Variants in TPSG1 observed in about 807,000 individuals in gnomAD.
TPSG1 encodes tryptase gamma 1.
Under a neutral mutation model 23.8 loss-of-function variants are expected in TPSG1, and 43 were observed. That is an observed-to-expected ratio of 1.81 (90% CI 1.42 to 2.33). The LOEUF (loss-of-function observed/expected upper bound fraction) is 2.33, where lower values mean the gene tolerates loss of function less well. TPSG1 is among the 30% of genes most tolerant of loss of function. The pLI, the probability that TPSG1 is intolerant of heterozygous loss-of-function variation, is 0.00. For missense variants in TPSG1, 623 were observed against 438.6 expected (o/e 1.42, Z -3.75); for synonymous variants, 302 against 201.3 (o/e 1.50, Z -4.23).
chr16:1,222,520 G>C (rs1165397958), intron 4 of TPSG1, 132 bp downstream of exon 4: 13 of 1,347,708 alleles, frequency 9.6e-6, no homozygotes, highest in Non-Finnish European at 1.2e-5. Context: ...AAAAGGGACA[G>C]CCGATAGGGG....
Position 1,222,810 on chromosome 16 carries a change from C to T in TPSG1, c.353G>A (p.Gly118Glu), listed in dbSNP as rs1196975803. ...GATGTCCCCGCTGGTCCCCGGCTGT[C>T]CTGAGGGGCTGGAGTGCAGGATGAT... ...RQIILHSSPS[G>E]QPGTSGDIAL... is the part of the protein sequence containing the mutation. The change falls in exon 4 of 6, where the codon GGA becomes GAA. Residue 118 changes from glycine (G) to glutamate (E), a missense_variant. Gly to Glu is a moderately conservative substitution (Grantham distance 98). Coordinates refer to ENST00000234798, the MANE Select transcript of TPSG1 (RefSeq NM_012467.4). 3 of 1,612,174 alleles carry T rather than the reference C, an allele frequency of 1.9e-6. No homozygotes were observed. The highest frequency in any genetic ancestry group is 2.5e-6 in the Non-Finnish European group (3 of 1,179,788).
At position 1,224,006 on chromosome 16, in the gene TPSG1, C is replaced by T. The variant is rs868384531; in HGVS notation, c.74-412G>A. 4.0e-5 allele frequency: 9 copies of T among 222,626 alleles called. No homozygotes were observed. In the South Asian group the frequency reaches 4.8e-4, roughly 12 times the overall value. 13.8% of individuals were successfully genotyped at this position (222,626 alleles called of 1,614,324 possible). Reference sequence around the variant, plus strand: ...TCGAAGCTGGATAAAATTCGGGGGGCGGGGGGCAGACAGCACTGTCCAAGG... The same window carrying T: ...TCGAAGCTGGATAAAATTCGGGGGGTGGGGGGCAGACAGCACTGTCCAAGG... On this transcript the variant is annotated intron_variant, in intron 2 of 5. Transcript: ENST00000234798.
rs150106114 is a variant in TPSG1 at position 1,224,617 on chromosome 16, T to C, written c.58A>G (p.Arg20Gly). The change falls in exon 2 of 6, where the codon AGG becomes GGG. Residue 20 changes from arginine (R) to glycine (G), a missense_variant. Transcript: ENST00000234798. ...LLLAVPGVSL[R>G]TLQPGCGRPQ... ...AGAGACGTACCTGGCTGCAAAGTCC[T>C]GAGGGACACACCTGTGGGAAAGACG... is the stretch of plus-strand genomic sequence containing the variant. 5 of 1,613,650 alleles carry C rather than the reference T, an allele frequency of 3.1e-6. No individual in the cohort carries two copies. In the African/African-American group the frequency reaches 5.3e-5, roughly 17 times the overall value.
rs756561702 is a variant in TPSG1 at position 1,222,027 on chromosome 16, C to T, written c.727G>A (p.Gly243Ser). ...AWVQAGTVSW[G>S]EGCGRPNRPG... ...CTGTTGGGGCGGCCGCAGCCCTCAC[C>T]CCAGCTCACAGTGCCAGCCTGCACC... The change falls in exon 6 of 6, where the codon GGT becomes AGT. Residue 243 changes from glycine to serine, a missense_variant. By Grantham distance (56) the Gly-to-Ser change is moderately conservative. Transcript: ENST00000234798. The T allele has an allele frequency of 1.1e-5, 18 of 1,612,616 alleles. No individual in the cohort carries two copies. The highest frequency in any genetic ancestry group is 1.4e-5 in the Non-Finnish European group (16 of 1,179,980).
intron 1 of TPSG1, 85 bp from the exon 2 acceptor site, chr16:1,224,713 G>T: frequency 6.4e-7 from 1 of 1,573,276 alleles, no homozygotes; most frequent in Non-Finnish European, 8.7e-7. Flanking sequence ...CCAGGCCTCA[G>T]GGCGGCACTG....
chr16:1,224,734 T>A, intron 1 of TPSG1, 106 bp from the exon 2 acceptor site: 1 of 1,453,266 alleles, frequency 6.9e-7, no homozygotes, highest in Non-Finnish European at 9.6e-7. Flanking sequence ...GGGTGGGGCC[T>A]GGTCCTGAGC....
At position 1,222,322 on chromosome 16, in the gene TPSG1, GTAC is replaced by G. The variant is rs749478702; in HGVS notation, c.528_530del (p.Tyr177del). On this transcript the variant is annotated inframe_deletion, in exon 5 of 6. Transcript: ENST00000234798. The stretch of plus-strand genomic sequence containing the variant: ...CGGAGACTTTCACCTCCCGCAGGCT[GTAC>G]GGGGGTGGCAGAGGCTCTGGGGTGG... 6.2e-7 allele frequency: 1 copy of G among 1,602,310 alleles called. No individual in the cohort carries two copies. Among genetic ancestry groups the G allele is most frequent in the Non-Finnish European group, 8.5e-7 (1 of 1,173,444 alleles).
intron 3 of TPSG1, among the ~76,000 whole-genome samples, 164 bp downstream of exon 3, chr16:1,223,259 C>G (rs1038122543): frequency 3.6e-4 from 55 of 152,242 alleles, no homozygotes; most frequent in Admixed American, 3.5e-3. Context: ...GCTGCAGAAC[C>G]TCACAGAAGG....
At chr16:1,224,853 T>G (rs138118686) in intron 1 of TPSG1, 8,423 of 620,478 alleles carry the variant, frequency 0.014, 59 homozygotes, top group Non-Finnish European at 0.016. Context: ...GAGCTTGGCC[T>G]CAGGCCTGGG....
chr16:1,224,690 C>G, intron 1 of TPSG1, 62 bp from the exon 2 acceptor site: 3 of 1,609,010 alleles, frequency 1.9e-6, no homozygotes, highest in South Asian at 2.2e-5. Flanking sequence ...TGTGCGGGCT[C>G]CAGAGGCCCC....
At position 1,222,684 on chromosome 16, in the gene TPSG1, C is replaced by A. The variant is rs4984638; in HGVS notation, c.479G>T (p.Trp160Leu). The part of the protein sequence containing the change: ...SDDFCPGIRC[W>L]VTGWGYTREG... ...CCGCGTATAGCCCCAGCCGGTCACCCAGCACCGGATCCCAGGGCAGAAGTC... is the reference window on the plus strand; with the variant it reads ...CCGCGTATAGCCCCAGCCGGTCACCAAGCACCGGATCCCAGGGCAGAAGTC... The change falls in exon 4 of 6, where the codon TGG becomes TTG. Residue 160 changes from tryptophan to leucine, a missense_variant. Physicochemically the swap from Trp to Leu is moderately conservative, Grantham distance 61. Coordinates refer to ENST00000234798, the MANE Select transcript of TPSG1 (RefSeq NM_012467.4). 6 of 1,585,796 alleles carry A rather than the reference C, an allele frequency of 3.8e-6. No individual in the cohort carries two copies. Among genetic ancestry groups the A allele is most frequent in the South Asian group, 1.1e-5 (1 of 88,916 alleles).
rs768113660 is a variant in TPSG1 at position 1,222,876 on chromosome 16, A to G, written c.287T>C (p.Leu96Pro). 9 of 1,609,212 alleles carry G rather than the reference A, an allele frequency of 5.6e-6. No homozygotes were observed. The highest frequency in any genetic ancestry group is 5.3e-5 in the African/African-American group (4 of 74,886). Residue 96 changes from leucine to proline, a missense_variant, in exon 4 of 6, where the codon CTG (leucine) becomes CCG (proline). By Grantham distance (98) the Leu-to-Pro change is moderately conservative (BLOSUM62 -3). Transcript: ENST00000234798. ...SSDYQVHLGE[L>P]EITLSPHFST... is the part of the protein sequence containing the mutation. ...GAAGTGGGGAGACAGAGTGATCTCC[A>G]GTTCCCCCAGGTGCACCTGGTAGTC... is the stretch of plus-strand genomic sequence containing the variant.
At chr16:1,224,357 G>C (rs114458221) in intron 2 of TPSG1, among the ~76,000 whole-genome samples, 1,884 of 152,234 alleles carry the variant, frequency 0.012, 41 homozygotes, top group African/African-American at 0.043. Context: ...GGAGGGCCAG[G>C]TTGTTTCATG....
rs149833307 is a variant in TPSG1, at chr16:1,223,412, C to T, written c.245+11G>A. On this transcript the variant is annotated intron_variant, in intron 3 of 5. Coordinates refer to ENST00000234798, the MANE Select transcript of TPSG1 (RefSeq NM_012467.4). The stretch of plus-strand genomic sequence containing the variant: ...GACATTGAGACTGCCCCTGCCCACC[C>T]GGACACTCACCCGGAGAAGCAGTGG... 198 of 1,573,080 alleles carry T rather than the reference C, an allele frequency of 1.3e-4. 2 individuals carry two copies. In the African/African-American group the frequency reaches 2.2e-3, roughly 18 times the overall value.
intron 2 of TPSG1, 126 bp downstream of exon 2, chr16:1,224,476 C>T (rs1009886554): frequency 2.3e-6 from 3 of 1,282,676 alleles, no homozygotes; most frequent in South Asian, 2.7e-5. Context: ...GAGCAGAAAC[C>T]ACGGCGACAA....
At chr16:1,222,964 G>A in intron 3 of TPSG1, 47 bp from the exon 4 acceptor site, 2 of 1,553,922 alleles carry the variant, frequency 1.3e-6, no homozygotes, top group Non-Finnish European at 1.7e-6. Flanking sequence ...GCGGAGGCTG[G>A]AGGTCAGTGT....
Position 1,225,224 on chromosome 16 carries a change from A to G in TPSG1, c.29T>C (p.Leu10Pro), listed in dbSNP as rs1347119290. Residue 10 changes from leucine to proline, a missense_variant, in exon 1 of 6, where the codon CTG becomes CCG. Physicochemically the swap from Leu to Pro is moderately conservative, Grantham distance 98. Transcript: ENST00000234798. MALGACGLLLLLAVPGVSLR... is the reference protein window; with the variant it reads MALGACGLLPLLAVPGVSLR... ...TCACCCACCGGGCACAGCCAGGAGC[A>G]GCAGGAGGCCACAGGCCCCAAGGGC... The G allele has an allele frequency of 1.9e-6, 3 of 1,579,608 alleles. No individual in the cohort carries two copies. The highest frequency in any genetic ancestry group is 2.3e-5 in the South Asian group (2 of 86,078).
In TPSG1 at chr16:1,223,438, G is replaced by A. The variant is rs560763607; in HGVS notation, c.230C>T (p.Ala77Val). Residue 77 changes from alanine to valine, a missense_variant, in exon 3 of 6, where the codon GCC (alanine) becomes GTC (valine). Physicochemically the swap from Ala to Val is moderately conservative, Grantham distance 64. Transcript: ENST00000234798. ...GGACACTCACCCGGAGAAGCAGTGGGCAGCTGTGAGCACCCACTGGGGGCT... is the reference window on the plus strand; with the variant it reads ...GGACACTCACCCGGAGAAGCAGTGGACAGCTGTGAGCACCCACTGGGGGCT... ...LLSPQWVLTA[A>V]HCFSGSLNSS... 8.2e-6 allele frequency: 13 copies of A among 1,586,792 alleles called. No individual in the cohort carries two copies. The East Asian group carries it at 2.7e-4, about 33-fold the overall frequency.
Position 1,221,948 on chromosome 16 carries a change from A to T in TPSG1, c.806T>A (p.Ile269Asn). 1 of 1,612,020 alleles carries T rather than the reference A, an allele frequency of 6.2e-7. No homozygotes were observed. The highest frequency in any genetic ancestry group is 2.2e-5 in the East Asian group (1 of 44,828). The stretch of plus-strand genomic sequence containing the variant: ...AGACTCTGAGCCCCCTGATGCTGTG[A>T]TGTGGCGGCGGATCCAGTTCACGTA... ...PAYVNWIRRH[I>N]TASGGSESGY... The change falls in exon 6 of 6, where the codon ATC (isoleucine) becomes AAC (asparagine). Residue 269 changes from isoleucine to asparagine, a missense_variant. Ile to Asn is a moderately radical substitution (Grantham distance 149). Coordinates refer to ENST00000234798, the MANE Select transcript of TPSG1 (RefSeq NM_012467.4).
Sources: allele counts gnomAD v4.1 joint callset (sites outside exome capture counted in the v4.1 genomes callset), GRCh38; gene constraint gnomAD v4.1.1; transcripts MANE v1.5; gene names NCBI Gene and HGNC (gene_info 2026-07-23, HGNC 2026-07-21).